Variants in DLEC1 observed in about 807,000 individuals in gnomAD.
DLEC1 encodes the protein deleted in lung and esophageal cancer protein 1.
A neutral mutation model predicts 198.1 loss-of-function variants in DLEC1; 146 were observed. The ratio of observed to expected loss-of-function variants is 0.74; its 90% CI spans 0.64 to 0.85. The LOEUF is 0.85. DLEC1 is among the 40% of genes least tolerant of loss of function. The pLI is 0.00. For missense variants in DLEC1, 2,233 were observed against 2,220.0 expected (o/e 1.01, Z -0.12); for synonymous variants, 897 against 866.8 (o/e 1.03, Z -0.61).
At chr3:38,039,850 G>C (rs1437537769) in intron 1 of DLEC1, among the ~76,000 whole-genome samples, 1 of 152,224 alleles carries the variant, frequency 6.6e-6, no homozygotes, top group East Asian at 1.9e-4. Flanking sequence ...ACAACGTGCG[G>C]CATATATCTG....
At chr3:38,045,728 T>TC (rs1363531747) in intron 2 of DLEC1, 35 bp downstream of exon 2, 1 of 1,569,384 alleles carries the variant, frequency 6.4e-7, no homozygotes, top group Non-Finnish European at 8.6e-7. Flanking sequence ...CCTGCCCAAT[T>TC]CCCGGGCTGT....
intron 21 of DLEC1, 40 bp from the exon 22 acceptor site, chr3:38,109,392 C>A: frequency 1.2e-6 from 2 of 1,612,272 alleles, no homozygotes; most frequent in Non-Finnish European, 1.7e-6. Context: ...TCTTCAGAGG[C>A]CCCAGGCCTG....
Position 38,120,453 on chromosome 3 carries a change from C to T in DLEC1, c.4710C>T (p.Asn1570=), listed in dbSNP as rs370220862. The T allele has an allele frequency of 4.7e-5, 76 of 1,614,176 alleles. No homozygotes were observed. Among genetic ancestry groups the T allele is most frequent in the South Asian group, 1.4e-4 (13 of 91,086 alleles). ...VLQAQENMLV[N]VSFSLSLELL... ...CCATGTCCACATCTGCTCAGGTGAA[C>T]GTGTCCTTCTCACTCTCCCTGGAGC... is the stretch of plus-strand genomic sequence containing the variant. The change falls in exon 34 of 37, where the codon AAC becomes AAT. Residue 1570 remains asparagine (N), a synonymous_variant. Transcript: ENST00000308059.
chr3:38,085,817 G>A (rs760222632), intron 8 of DLEC1, among the ~76,000 whole-genome samples: 3 of 152,122 alleles, frequency 2.0e-5, no homozygotes, highest in African/African-American at 4.8e-5. Flanking sequence ...CGTTGTCCTC[G>A]TGGCTGTGGG....
At chr3:38,101,575 A>C (rs1397882920) in intron 19 of DLEC1, among the ~76,000 whole-genome samples, 1 of 152,162 alleles carries the variant, frequency 6.6e-6, no homozygotes, top group Non-Finnish European at 1.5e-5. Context: ...TTCATTGTAA[A>C]AACATTTAAA....
At chr3:38,109,806 TG>T in intron 22 of DLEC1, 1 of 744,666 alleles carries the variant, frequency 1.3e-6, no homozygotes, top group Non-Finnish European at 2.1e-6. Flanking sequence ...AGGCAGGAGA[TG>T]GCAGGGGACA....
rs138262591 is a variant in DLEC1 at position 38,044,698 on chromosome 3, A to G, written c.412-845A>G. Among the ~76,000 whole-genome samples the G allele has an allele frequency of 6.6e-5, 10 of 152,348 alleles. No homozygotes were observed. In the East Asian group the frequency reaches 1.7e-3, roughly 26 times the overall value. On this transcript the variant is annotated intron_variant, in intron 1 of 36. Coordinates refer to ENST00000308059, the MANE Select transcript of DLEC1 (RefSeq NM_007335.4). ...GCTGGGACTACAGGTGCACACCACCATGCCTGGCTAATGCAAACTATCTTT... is the reference window on the plus strand; with the variant it reads ...GCTGGGACTACAGGTGCACACCACCGTGCCTGGCTAATGCAAACTATCTTT...
chr3:38,100,519 T>A (rs1699252255), intron 19 of DLEC1, 94 bp downstream of exon 19: 1 of 1,376,066 alleles, frequency 7.3e-7, no homozygotes. Flanking sequence ...TGTTCTGGAT[T>A]TAAAACTATT....
chr3:38,061,040 G>A (rs1432261511), intron 3 of DLEC1, among the ~76,000 whole-genome samples: 1 of 152,208 alleles, frequency 6.6e-6, no homozygotes, highest in African/African-American at 2.4e-5. Context: ...AGGTCAATAA[G>A]AATGGGGCTA....
chr3:38,103,495 T>C (rs1345159862), intron 19 of DLEC1: 5 of 152,264 alleles, frequency 3.3e-5, no homozygotes, highest in Admixed American at 3.3e-4. Flanking sequence ...TTTTCCTTGT[T>C]TGCATAACAT....
At chr3:38,079,523 C>T (rs1005904635) in intron 6 of DLEC1, among the ~76,000 whole-genome samples, 12 of 152,138 alleles carry the variant, frequency 7.9e-5, no homozygotes, top group Non-Finnish European at 1.8e-4. Context: ...TGGAGGCGAT[C>T]GGGCAGCATC....
Position 38,117,596 on chromosome 3 carries a change from G to T in DLEC1, c.4470G>T (p.Glu1490Asp), listed in dbSNP as rs753576346. 6.2e-7 allele frequency: 1 copy of T among 1,614,156 alleles called. No individual in the cohort carries two copies. The highest frequency in any genetic ancestry group is 1.1e-5 in the South Asian group (1 of 91,088). The part of the protein sequence containing the change: ...FQCQASDLIP[E>D]QPCSGVLSEL... Reference sequence around the variant, plus strand: ...GCCAGGCCAGTGACCTCATTCCCGAGCAGCCCTGCTCTGGGGTGAGTGTGC... The same window carrying T: ...GCCAGGCCAGTGACCTCATTCCCGATCAGCCCTGCTCTGGGGTGAGTGTGC... The change falls in exon 32 of 37, where the codon GAG (glutamate) becomes GAT (aspartate). Residue 1490 changes from glutamate to aspartate, a missense_variant. Physicochemically the swap from Glu to Asp is conservative, Grantham distance 45. Transcript: ENST00000308059.
chr3:38,060,755 C>G (rs1209895252), intron 3 of DLEC1, among the ~76,000 whole-genome samples: 1 of 151,682 alleles, frequency 6.6e-6, no homozygotes, highest in Non-Finnish European at 1.5e-5. Flanking sequence ...AGTGCAATGG[C>G]ACGATCTTGG....
chr3:38,053,122 C>T (rs1701212440), intron 2 of DLEC1, among the ~76,000 whole-genome samples: 3 of 152,274 alleles, frequency 2.0e-5, no homozygotes, highest in South Asian at 2.1e-4. Flanking sequence ...AGTGCAGTGG[C>T]GTGATCTCGG....
chr3:38,044,467 G>T (rs909496027), intron 1 of DLEC1, among the ~76,000 whole-genome samples: 2 of 152,090 alleles, frequency 1.3e-5, no homozygotes, highest in Non-Finnish European at 2.9e-5. Flanking sequence ...AGAGGCTGAG[G>T]CAGGAGAATC....
chr3:38,096,656 T>C lies in DLEC1; in HGVS notation c.2259T>C (p.Pro753=), dbSNP rs1699037794. The C allele has an allele frequency of 1.2e-6, 2 of 1,613,248 alleles. No homozygotes were observed. The highest frequency in any genetic ancestry group is 1.3e-5 in the African/African-American group (1 of 74,886). Residue 753 remains proline (P), a synonymous_variant, in exon 15 of 37, where the codon CCT becomes CCC. Coordinates refer to ENST00000308059, the MANE Select transcript of DLEC1 (RefSeq NM_007335.4). ...TCGAGGTGAAAGGCTCAGTAGAACC[T>C]TTCCAGGTTCTCTTAGAGCCATATG... ...LEIEVKGSVE[P]FQVLLEPYAL...
At chr3:38,069,146 CA>C (rs1207930586) in intron 6 of DLEC1, among the ~76,000 whole-genome samples, 1 of 151,952 alleles carries the variant, frequency 6.6e-6, no homozygotes, top group East Asian at 1.9e-4. Flanking sequence ...AGGATGGGGC[CA>C]GGGGAAGAGG....
chr3:38,083,290 A>G (rs1698156924), intron 6 of DLEC1, among the ~76,000 whole-genome samples: 1 of 149,700 alleles, frequency 6.7e-6, no homozygotes, highest in Non-Finnish European at 1.5e-5. Context: ...GCGAAGGGAG[A>G]TGGGGTGGGG....
intron 18 of DLEC1, among the ~76,000 whole-genome samples, chr3:38,099,278 AG>A (rs772620901): frequency 7.2e-5 from 11 of 152,164 alleles, no homozygotes; most frequent in Non-Finnish European, 1.2e-4. Flanking sequence ...AGAGACTGGA[AG>A]GGGCAGGGCT....
Sources: gnomAD v4.1 joint callset for allele counts (sites outside exome capture counted in the v4.1 genomes callset) on GRCh38, gnomAD v4.1.1 for gene constraint, MANE v1.5 for transcripts, NCBI Gene and HGNC (gene_info 2026-07-23, HGNC 2026-07-21) for gene names.